The following L3MBTL1 variants were observed in gnomAD, a reference collection of about 807,000 sequenced individuals.
L3MBTL1 encodes L3MBTL histone methyl-lysine binding protein 1.
A neutral mutation model predicts 105.3 loss-of-function variants in L3MBTL1; 75 were observed. The observed-to-expected ratio is 0.71, with a 90% confidence interval of 0.59 to 0.86. L3MBTL1 has a LOEUF of 0.86. Ranked by LOEUF, L3MBTL1 falls within the 40% of genes least tolerant of loss-of-function variation. The pLI is 0.00. For missense variants in L3MBTL1, 1,069 were observed against 1,126.4 expected (o/e 0.95, Z 0.73); for synonymous variants, 452 against 436.2 (o/e 1.04, Z -0.45).
At position 43,534,308 on chromosome 20, in the gene L3MBTL1, A is replaced by G. The variant is rs754918479; in HGVS notation, c.1624A>G (p.Asn542Asp). Residue 542 changes from asparagine (N) to aspartate (D), a missense_variant, in exon 15 of 22, where the codon AAT becomes GAT. By Grantham distance (23) the Asn-to-Asp change is conservative. Coordinates refer to ENST00000418998, the MANE Select transcript of L3MBTL1 (RefSeq NM_001377303.1). ...KVRPPHSFLV[N>D]MKLEAVDRRN... ...GCGACCCCCTCACAGCTTCCTGGTC[A>G]ATATGAAGCTGGAGGCTGTGGACCG... 1.9e-6 allele frequency: 3 copies of G among 1,614,026 alleles called. No individual in the cohort carries two copies. Among genetic ancestry groups the G allele is most frequent in the Non-Finnish European group, 2.5e-6 (3 of 1,179,980 alleles).
chr20:43,514,229 CA>C (rs1196693718), intron 3 of L3MBTL1, among the ~76,000 whole-genome samples, 168 bp downstream of exon 3: 1 of 151,974 alleles, frequency 6.6e-6, no homozygotes, highest in Non-Finnish European at 1.5e-5. Context: ...TGAGTTGAAG[CA>C]CTCCTAGGCC....
Position 43,540,334 on chromosome 20 carries a change from C to G in L3MBTL1, c.2331+26C>G, listed in dbSNP as rs779809026. 3.1e-6 allele frequency: 5 copies of G among 1,607,964 alleles called. 1 individual carries two copies. In the South Asian group the frequency reaches 3.3e-5, roughly 11 times the overall value. ...GTGAGGAGCGAGGGCCCTTCTTTAT[C>G]CTTCTCTTCCTCTCCTCCTCCCTCT... On this transcript the variant is annotated intron_variant, in intron 20 of 21. Coordinates refer to ENST00000418998, the MANE Select transcript of L3MBTL1 (RefSeq NM_001377303.1).
At chr20:43,528,973 C>T in intron 8 of L3MBTL1, 1 of 603,614 alleles carries the variant, frequency 1.7e-6, no homozygotes, top group Non-Finnish European at 2.9e-6. Flanking sequence ...ATCACTGGGC[C>T]TGCAGACTTT....
intron 1 of L3MBTL1, among the ~76,000 whole-genome samples, chr20:43,510,183 G>C (rs886808081): frequency 6.6e-6 from 1 of 151,986 alleles, no homozygotes; most frequent in African/African-American, 2.4e-5. Context: ...ACTTTTTGTA[G>C]AGATGGGGTT....
chr20:43,514,358 G>A (rs1283453474), intron 3 of L3MBTL1: 2 of 1,294,534 alleles, frequency 1.5e-6, no homozygotes, highest in African/African-American at 3.0e-5. Context: ...TTGGGGGCGT[G>A]GCTTAGAGTG....
rs1437339260 is a variant in L3MBTL1 at position 43,540,736 on chromosome 20, C to A, written c.2332-17C>A. 1 of 1,613,824 alleles carries A rather than the reference C, an allele frequency of 6.2e-7. No individual in the cohort carries two copies. The highest frequency in any genetic ancestry group is 2.2e-5 in the East Asian group (1 of 44,884). On this transcript the variant is annotated splice_polypyrimidine_tract_variant and intron_variant, in intron 20 of 21. Coordinates refer to ENST00000418998, the MANE Select transcript of L3MBTL1 (RefSeq NM_001377303.1). ...AAGCTCTGTCCCCTGGTCAACATGTCATCTTTGGTTTCCAAGGTCTTCGGC... is the reference window on the plus strand; with the variant it reads ...AAGCTCTGTCCCCTGGTCAACATGTAATCTTTGGTTTCCAAGGTCTTCGGC...
chr20:43,522,456 A>ATTTTTTTT lies in L3MBTL1; in HGVS notation c.863-6201_863-6200insTTTTTTTT, dbSNP rs778355165. On this transcript the variant is annotated intron_variant, in intron 7 of 21. Transcript: ENST00000418998. ...ATGGTAACTGAATTTTTCCCTGCTA[A>ATTTTTTTT]GTTTTTTTTTTTTTTTTTTTTTTTT... Among the ~76,000 whole-genome samples, 30 of 89,862 alleles carry ATTTTTTTT rather than the reference A, an allele frequency of 3.3e-4. 1 individual carries two copies. Among genetic ancestry groups the ATTTTTTTT allele is most frequent in the Non-Finnish European group, 5.8e-4 (25 of 43,196 alleles). The allele number at this position is 89,862 out of a possible 152,430, so 59.0% of individuals were successfully genotyped here. A position where few individuals can be genotyped will look rare whatever the true frequency, so the allele number is the denominator to read the frequency against.
Position 43,514,633 on chromosome 20 carries a change from A to T in L3MBTL1, c.361-2A>T, listed in dbSNP as rs779008868. ...CAATCCTCAGACCCTCCCGCGCTCCAGTTCCGGATAAGCGAGTATAAGCCG... is the reference window on the plus strand; with the variant it reads ...CAATCCTCAGACCCTCCCGCGCTCCTGTTCCGGATAAGCGAGTATAAGCCG... On this transcript the variant is annotated splice_acceptor_variant, in intron 3 of 21. Transcript: ENST00000418998. LOFTEE classifies it high-confidence loss of function. 1 of 1,598,392 alleles carries T rather than the reference A, an allele frequency of 6.3e-7. No individual in the cohort carries two copies. The highest frequency in any genetic ancestry group is 1.1e-5 in the South Asian group (1 of 88,620).
chr20:43,550,113 G>GCTTT (rs1978887679), exon 19 of L3MBTL1: 1 of 152,176 alleles, frequency 6.6e-6, no homozygotes, highest in Non-Finnish European at 1.5e-5. Context: ...TTGGCCAAGA[G>GCTTT]TAAAGAAGAA....
At chr20:43,520,475 A>C (rs1224002394) in intron 7 of L3MBTL1, among the ~76,000 whole-genome samples, 4 of 152,164 alleles carry the variant, frequency 2.6e-5, no homozygotes, top group Admixed American at 2.6e-4. Flanking sequence ...GAACTGTCAC[A>C]CTGTTTTTCA....
intron 7 of L3MBTL1, among the ~76,000 whole-genome samples, chr20:43,519,000 T>G (rs1377163955): frequency 6.8e-6 from 1 of 148,114 alleles, no homozygotes; most frequent in Non-Finnish European, 1.5e-5. Flanking sequence ...CACTCCAACC[T>G]AGGCAACAGA....
At chr20:43,518,593 C>A (rs2018527378) in intron 7 of L3MBTL1, among the ~76,000 whole-genome samples, 1 of 152,044 alleles carries the variant, frequency 6.6e-6, no homozygotes, top group Admixed American at 6.6e-5. Context: ...ATAGTAGTCC[C>A]CTTTTATCTG....
At chr20:43,536,003 G>T in intron 17 of L3MBTL1, 67 bp downstream of exon 17, 1 of 1,587,474 alleles carries the variant, frequency 6.3e-7, no homozygotes, top group Non-Finnish European at 8.6e-7. Context: ...AGGCGACTGG[G>T]GTCCACCAAA....
chr20:43,541,725 C>A lies in L3MBTL1; in HGVS notation c.*597C>A. 1.3e-6 allele frequency: 1 copy of A among 760,736 alleles called. No homozygotes were observed. Among genetic ancestry groups the A allele is most frequent in the Non-Finnish European group, 1.6e-6 (1 of 624,052 alleles). 47.1% of individuals were successfully genotyped at this position (760,736 alleles called of 1,614,324 possible). On this transcript the variant is annotated 3_prime_UTR_variant, in exon 22 of 22. Coordinates refer to ENST00000418998, the MANE Select transcript of L3MBTL1 (RefSeq NM_001377303.1). ...ATGTTCCACTATAATCTTATGGGAC[C>A]ATGGTTTTAAATGTGGAATCATTGA...
rs1487729379 is a variant in L3MBTL1, at chr20:43,536,090, T to TA, written c.1926-7_1926-6insA. The TA allele has an allele frequency of 6.2e-7, 1 of 1,612,524 alleles. No individual in the cohort carries two copies. The highest frequency in any genetic ancestry group is 8.5e-7 in the Non-Finnish European group (1 of 1,179,934). On this transcript the variant is annotated splice_polypyrimidine_tract_variant and splice_region_variant and intron_variant, in intron 17 of 21. Transcript: ENST00000418998. ...ATTAAACCCAACTGAAGTCTCTTCTTCCCCAGGAAGTGCCCCACTCCTGGT... is the reference window on the plus strand; with the variant it reads ...ATTAAACCCAACTGAAGTCTCTTCTTACCCCAGGAAGTGCCCCACTCCTGGT...
chr20:43,544,009 G>T (rs1978407611), downstream of L3MBTL1, among the ~76,000 whole-genome samples: 1 of 152,224 alleles, frequency 6.6e-6, no homozygotes, highest in African/African-American at 2.4e-5. Flanking sequence ...AGACAGAATT[G>T]TAAGTTGTTG....
Position 43,533,393 on chromosome 20 carries a change from A to G in L3MBTL1, c.1488A>G (p.Gln496=). ...ACCCAGTGGGCTGGTGCCAGAAGCA[A>G]GGAAAGCCCCTCACCCCTCCACAAG... The part of the protein sequence containing the change: ...YIHPVGWCQK[Q]GKPLTPPQDY... Residue 496 remains glutamine (Q), a synonymous_variant, in exon 13 of 22, where the codon CAA becomes CAG. Transcript: ENST00000418998. 1 of 1,613,782 alleles carries G rather than the reference A, an allele frequency of 6.2e-7. No homozygotes were observed. The highest frequency in any genetic ancestry group is 8.5e-7 in the Non-Finnish European group (1 of 1,179,918).
At chr20:43,510,406 C>CTTTCTT (rs752825009) in intron 1 of L3MBTL1, among the ~76,000 whole-genome samples, 3 of 127,566 alleles carry the variant, frequency 2.4e-5, no homozygotes, top group Admixed American at 8.6e-5. Context: ...TTCTTTCTTT[C>CTTTCTT]TTTTTTTTTT....
rs1487347902 is a variant in L3MBTL1, at chr20:43,532,877, C to G, written c.1389C>G (p.Ser463Arg). The change falls in exon 12 of 22, where the codon AGC becomes AGG. Residue 463 changes from serine (S) to arginine (R), a missense_variant. By Grantham distance (110) the Ser-to-Arg change is moderately radical. Coordinates refer to ENST00000418998, the MANE Select transcript of L3MBTL1 (RefSeq NM_001377303.1). ...CVASVTDVVDSRFLVHFDNWD... is the reference protein window; with the variant it reads ...CVASVTDVVDRRFLVHFDNWD... Reference sequence around the variant, plus strand: ...CCAGTGTGACCGATGTGGTGGACAGCCGCTTCCTGGTGCACTTTGACAACT... The same window carrying G: ...CCAGTGTGACCGATGTGGTGGACAGGCGCTTCCTGGTGCACTTTGACAACT... The G allele has an allele frequency of 1.9e-6, 3 of 1,614,134 alleles. No individual in the cohort carries two copies. The highest frequency in any genetic ancestry group is 2.5e-6 in the Non-Finnish European group (3 of 1,180,032).
Sources: allele counts gnomAD v4.1 joint callset (sites outside exome capture counted in the v4.1 genomes callset), GRCh38; gene constraint gnomAD v4.1.1; transcripts MANE v1.5; gene names NCBI Gene and HGNC (gene_info 2026-07-23, HGNC 2026-07-21).